The following PDE1A variants were observed in gnomAD, a reference collection of about 807,000 sequenced individuals.
PDE1A encodes the protein phosphodiesterase 1A, also known as dual specificity calcium/calmodulin-dependent 3',5'-cyclic nucleotide phosphodiesterase 1A.
PDE1A carries 35 observed loss-of-function variants against 61.7 expected under a neutral mutation model. The observed-to-expected ratio is 0.57, with a 90% confidence interval of 0.43 to 0.75. The LOEUF (loss-of-function observed/expected upper bound fraction) is 0.75, where lower values mean the gene tolerates loss of function less well. Among genes scored for constraint, PDE1A ranks in the 30% least tolerant of loss-of-function variants. The pLI is 0.00. For missense variants in PDE1A, 597 were observed against 630.6 expected (o/e 0.95, Z 0.57); for synonymous variants, 232 against 213.2 (o/e 1.09, Z -0.77).
At chr2:182,639,089 C>T in the PDE1A span, among the ~76,000 whole-genome samples, 1 of 152,154 alleles carries the variant, frequency 6.6e-6, no homozygotes, top group African/African-American at 2.4e-5. Flanking sequence ...AAAAGAGGAA[C>T]ATACATCATA....
chr2:182,675,797 T>C, the PDE1A span, among the ~76,000 whole-genome samples: 208 of 152,276 alleles, frequency 1.4e-3, 2 homozygotes, highest in Admixed American at 3.3e-3. Context: ...CACTTGTTAA[T>C]GGGGTTGTTT....
chr2:182,189,769 G>T (rs996724149), intron 10 of PDE1A, among the ~76,000 whole-genome samples: 2 of 152,162 alleles, frequency 1.3e-5, no homozygotes, highest in Admixed American at 1.3e-4. Context: ...AACAAAGGTT[G>T]CTGTTCTGGT....
chr2:182,313,391 G>T (rs1190248794), intron 1 of PDE1A, among the ~76,000 whole-genome samples: 2 of 152,070 alleles, frequency 1.3e-5, no homozygotes, highest in African/African-American at 4.8e-5. Context: ...TCCAGTCTAG[G>T]TGACAGAGAA....
At chr2:182,169,041 A>G (rs1372295213) in intron 13 of PDE1A, among the ~76,000 whole-genome samples, 1 of 151,354 alleles carries the variant, frequency 6.6e-6, no homozygotes, top group Non-Finnish European at 1.5e-5. Context: ...CATGCGCAAT[A>G]TAATGCTATT....
intron 2 of PDE1A, chr2:182,522,183 G>T: frequency 9.8e-7 from 1 of 1,015,676 alleles, no homozygotes; most frequent in Non-Finnish European, 1.5e-6. Flanking sequence ...CTTTCTAAAG[G>T]AAACTAGCCC....
chr2:182,185,816 G>A, intron 13 of PDE1A, 76 bp downstream of exon 13: 5 of 1,600,758 alleles, frequency 3.1e-6, no homozygotes, highest in Non-Finnish European at 3.4e-6. Context: ...AAGAAATCTA[G>A]AAGAAGTAAT....
chr2:182,431,293 G>A (rs1703939551), upstream of PDE1A, among the ~76,000 whole-genome samples: 1 of 152,028 alleles, frequency 6.6e-6, no homozygotes, highest in Non-Finnish European at 1.5e-5. Context: ...GAAAGATAAA[G>A]TGTGCATGTG....
chr2:182,490,295 TTAAGGAGTTTTACTG>T (rs1375774665), intron 2 of PDE1A, among the ~76,000 whole-genome samples: 1 of 152,194 alleles, frequency 6.6e-6, no homozygotes, highest in East Asian at 1.9e-4. Flanking sequence ...TAGTCAACCT[TTAAGGAGTTTTACTG>T]TAAAGGAGAA....
intron 13 of PDE1A, among the ~76,000 whole-genome samples, chr2:182,150,413 GACCAGTAACGTCACTTT>G (rs1264757419): frequency 6.6e-6 from 1 of 152,130 alleles, no homozygotes; most frequent in African/African-American, 2.4e-5. Flanking sequence ...ACTTCAAGAA[GACCAGTAACGTCACTTT>G]TGAATTTCAT....
chr2:182,651,863 A>G, the PDE1A span, among the ~76,000 whole-genome samples: 4 of 152,328 alleles, frequency 2.6e-5, no homozygotes, highest in South Asian at 6.2e-4. Context: ...CCTAATAGGA[A>G]TATGTGAAGC....
chr2:182,471,875 A>G (rs1462074212), intron 2 of PDE1A, among the ~76,000 whole-genome samples: 1 of 151,878 alleles, frequency 6.6e-6, no homozygotes, highest in Non-Finnish European at 1.5e-5. Context: ...AAAATTCCCA[A>G]ATAATCCCAT....
chr2:182,635,491 C>A, the PDE1A span, among the ~76,000 whole-genome samples: 1 of 151,900 alleles, frequency 6.6e-6, no homozygotes, highest in Non-Finnish European at 1.5e-5. Context: ...TTGTTTTTAT[C>A]AAATGAAAAA....
chr2:182,626,787 A>G, the PDE1A span, among the ~76,000 whole-genome samples: 1 of 5,620 alleles, frequency 1.8e-4, no homozygotes, highest in South Asian at 7.4e-3. Context: ...ATATACATAT[A>G]TATACATATA....
In PDE1A at chr2:182,201,576, A is replaced by G; in HGVS notation, c.1005-17T>C. On this transcript the variant is annotated splice_polypyrimidine_tract_variant and intron_variant, in intron 9 of 13. Transcript: ENST00000351439. ...CTGTCAATCCTGTCAAACCAAGGAC[A>G]TGCTTATATTATTCAAAACAAAGGA... 1 of 1,609,588 alleles carries G rather than the reference A, an allele frequency of 6.2e-7. No homozygotes were observed. The highest frequency in any genetic ancestry group is 8.5e-7 in the Non-Finnish European group (1 of 1,178,530).
intron 7 of PDE1A, among the ~76,000 whole-genome samples, chr2:182,209,675 T>C (rs148725404): frequency 1.1e-4 from 16 of 152,034 alleles, no homozygotes; most frequent in African/African-American, 3.4e-4. Flanking sequence ...TCATAAGATC[T>C]GGTTGCTGAA....
chr2:182,529,152 C>T, the PDE1A span, among the ~76,000 whole-genome samples: 2 of 152,360 alleles, frequency 1.3e-5, no homozygotes, highest in African/African-American at 4.8e-5. Flanking sequence ...GTACCACAGA[C>T]TCTCAATGCC....
At chr2:182,655,190 G>A in the PDE1A span, among the ~76,000 whole-genome samples, 1 of 152,194 alleles carries the variant, frequency 6.6e-6, no homozygotes, top group Non-Finnish European at 1.5e-5. Flanking sequence ...CCCGGGAACA[G>A]AGGCAGGAAT....
the PDE1A span, among the ~76,000 whole-genome samples, chr2:182,611,891 A>T: frequency 1.3e-5 from 2 of 152,224 alleles, no homozygotes; most frequent in African/African-American, 4.8e-5. Flanking sequence ...TGTTTGGTCA[A>T]ATAACTACTT....
intron 1 of PDE1A, among the ~76,000 whole-genome samples, chr2:182,417,137 A>G (rs1476450918): frequency 3.3e-5 from 5 of 152,228 alleles, no homozygotes; most frequent in African/African-American, 9.6e-5. Context: ...TGGCTGGCCA[A>G]TGAAGAATTC....
Sources: allele counts gnomAD v4.1 joint callset (sites outside exome capture counted in the v4.1 genomes callset), GRCh38; gene constraint gnomAD v4.1.1; transcripts MANE v1.5; gene names NCBI Gene and HGNC (gene_info 2026-07-23, HGNC 2026-07-21).